Variants in FSTL4 observed in about 807,000 individuals in gnomAD.
The protein encoded by FSTL4 is follistatin like 4.
Under a neutral mutation model 78.2 loss-of-function variants are expected in FSTL4, and 28 were observed. That is an observed-to-expected ratio of 0.36 (90% confidence interval 0.27 to 0.49). The LOEUF is 0.49. Among genes scored for constraint, FSTL4 ranks in the 20% least tolerant of loss-of-function variants. FSTL4 has a pLI of 0.98. For synonymous variants in FSTL4, 422 were observed against 440.5 expected (o/e 0.96, Z 0.53); for missense variants, 922 against 1,084.9 (o/e 0.85, Z 2.11).
intron 6 of FSTL4, among the ~76,000 whole-genome samples, chr5:133,268,957 A>G (rs2126844372): frequency 6.6e-6 from 1 of 152,074 alleles, no homozygotes; most frequent in Admixed American, 6.5e-5. Flanking sequence ...CGAGGTGGGT[A>G]GATCACCAGG....
intron 6 of FSTL4, among the ~76,000 whole-genome samples, chr5:133,269,457 G>A (rs1390105217): frequency 6.6e-6 from 1 of 152,196 alleles, no homozygotes; most frequent in African/African-American, 2.4e-5. Context: ...GTGCAGTAGT[G>A]TACAATTAGC....
At chr5:133,688,856 G>A in the FSTL4 span, among the ~76,000 whole-genome samples, 1 of 152,192 alleles carries the variant, frequency 6.6e-6, no homozygotes, top group South Asian at 2.1e-4. Context: ...GGCCAGGGAT[G>A]TCATCTGCTG....
chr5:133,829,187 C>T, the FSTL4 span, among the ~76,000 whole-genome samples: 18 of 152,148 alleles, frequency 1.2e-4, no homozygotes, highest in African/African-American at 4.3e-4. Context: ...GTCAGGAGTT[C>T]AAGTCCAGCC....
At position 133,312,633 on chromosome 5, in the gene FSTL4, T is replaced by C. The variant is rs767555148; in HGVS notation, c.727+21A>G. On this transcript the variant is annotated intron_variant, in intron 6 of 15. Coordinates refer to ENST00000265342, the MANE Select transcript of FSTL4 (RefSeq NM_015082.2). ...AAGCACCTGCAGAAATAAGCCCTTT[T>C]CCCACTGGGACCCAACTTACGGAAG... 2.1e-4 allele frequency: 341 copies of C among 1,613,004 alleles called. 2 individuals carry two copies. The highest frequency in any genetic ancestry group is 1.3e-3 in the Admixed American group (75 of 60,000).
intron 11 of FSTL4, among the ~76,000 whole-genome samples, chr5:133,221,891 GTTTTTTTTTT>G (rs59400068): frequency 9.7e-4 from 42 of 43,358 alleles, no homozygotes; most frequent in East Asian, 9.3e-3. Context: ...CTCTTTTCTA[GTTTTTTTTTT>G]TTTTTTTTTT....
the FSTL4 span, among the ~76,000 whole-genome samples, chr5:133,727,855 C>T: frequency 1.3e-5 from 2 of 152,164 alleles, no homozygotes; most frequent in Non-Finnish European, 2.9e-5. Flanking sequence ...GTCAGGGGAG[C>T]CAAGAGCACG....
intron 6 of FSTL4, among the ~76,000 whole-genome samples, chr5:133,287,350 T>C (rs901067443): frequency 6.8e-6 from 1 of 147,556 alleles, no homozygotes; most frequent in Non-Finnish European, 1.5e-5. Context: ...ATCGCACCAC[T>C]GCACTCCAGC....
chr5:133,262,680 A>C (rs1752560996), intron 6 of FSTL4, among the ~76,000 whole-genome samples: 1 of 152,202 alleles, frequency 6.6e-6, no homozygotes, highest in Non-Finnish European at 1.5e-5. Context: ...CTTTATAAGA[A>C]AGAAAGTCTC....
intron 6 of FSTL4, among the ~76,000 whole-genome samples, chr5:133,287,565 T>G (rs1394091533): frequency 6.6e-6 from 1 of 152,102 alleles, no homozygotes; most frequent in Non-Finnish European, 1.5e-5. Context: ...TTTCCTAAGA[T>G]GCAGGCATAG....
the FSTL4 span, among the ~76,000 whole-genome samples, chr5:133,669,896 A>C: frequency 6.6e-6 from 1 of 152,140 alleles, no homozygotes; most frequent in East Asian, 1.9e-4. Flanking sequence ...CTCTAGCATA[A>C]GAGTCATTAA....
chr5:133,558,593 G>C (rs1759846528), intron 3 of FSTL4, among the ~76,000 whole-genome samples: 1 of 151,986 alleles, frequency 6.6e-6, no homozygotes, highest in African/African-American at 2.4e-5. Context: ...TTCCTGGAGA[G>C]TTCAAAGCAA....
the FSTL4 span, among the ~76,000 whole-genome samples, chr5:133,834,869 T>G: frequency 6.6e-6 from 1 of 151,920 alleles, no homozygotes; most frequent in Non-Finnish European, 1.5e-5. Context: ...ATGATATATA[T>G]TATATATATT....
chr5:133,277,102 G>A (rs747217495), intron 6 of FSTL4, among the ~76,000 whole-genome samples: 3 of 152,124 alleles, frequency 2.0e-5, no homozygotes, highest in Non-Finnish European at 4.4e-5. Context: ...ACCTGAGGTC[G>A]GGAGTTTGAA....
the FSTL4 span, among the ~76,000 whole-genome samples, chr5:133,706,970 A>G: frequency 6.6e-6 from 1 of 152,148 alleles, no homozygotes; most frequent in Non-Finnish European, 1.5e-5. Flanking sequence ...GGCGAGGTAA[A>G]GGCACTCTCT....
At chr5:133,553,031 T>C (rs912869844) in intron 3 of FSTL4, among the ~76,000 whole-genome samples, 3 of 152,208 alleles carry the variant, frequency 2.0e-5, no homozygotes, top group Non-Finnish European at 4.4e-5. Flanking sequence ...TGCGGTTCCC[T>C]GTGCTCCAAC....
the FSTL4 span, among the ~76,000 whole-genome samples, chr5:133,643,475 C>T: frequency 6.6e-6 from 1 of 152,134 alleles, no homozygotes; most frequent in South Asian, 2.1e-4. Context: ...CCTTTGTCCT[C>T]CTCCAAACTT....
chr5:133,335,673 C>T (rs911710621), intron 4 of FSTL4, among the ~76,000 whole-genome samples: 1 of 146,136 alleles, frequency 6.8e-6, no homozygotes, highest in East Asian at 2.3e-4. Flanking sequence ...CTCTCCCCTC[C>T]CCTTTCTTGG....
chr5:133,776,849 A>G, the FSTL4 span, among the ~76,000 whole-genome samples: 1 of 152,120 alleles, frequency 6.6e-6, no homozygotes, highest in Non-Finnish European at 1.5e-5. Flanking sequence ...CAGGCCATCT[A>G]TTGTCAATGA....
Position 133,487,476 on chromosome 5 carries a change from G to A in FSTL4, c.160+79710C>T, listed in dbSNP as rs553740868. Among the ~76,000 whole-genome samples, 32 of 152,306 alleles carry A rather than the reference G, an allele frequency of 2.1e-4. No homozygotes were observed. The South Asian group carries it at 6.4e-3, about 31-fold the overall frequency. ...GGCAGAGTCCTTGTCTTGGTGAACTGTTCTGCTGTTCATCAATCTCTGTGA... is the reference window on the plus strand; with the variant it reads ...GGCAGAGTCCTTGTCTTGGTGAACTATTCTGCTGTTCATCAATCTCTGTGA... On this transcript the variant is annotated intron_variant, in intron 3 of 15. Coordinates refer to ENST00000265342, the MANE Select transcript of FSTL4 (RefSeq NM_015082.2).
Sources: allele counts gnomAD v4.1 joint callset (sites outside exome capture counted in the v4.1 genomes callset), GRCh38; gene constraint gnomAD v4.1.1; transcripts MANE v1.5; gene names NCBI Gene and HGNC (gene_info 2026-07-23, HGNC 2026-07-21).